EYA1: variants seen among roughly 807,000 people sequenced by gnomAD.
The protein encoded by EYA1 is EYA transcriptional coactivator and phosphatase 1.
Under a neutral mutation model 82.0 loss-of-function variants are expected in EYA1, and 16 were observed. The observed-to-expected ratio is 0.20, with a 90% confidence interval of 0.13 to 0.30. The LOEUF (loss-of-function observed/expected upper bound fraction) is 0.30, where lower values mean the gene tolerates loss of function less well. Among genes scored for constraint, EYA1 ranks in the 10% least tolerant of loss-of-function variants. The pLI, the probability that EYA1 is intolerant of heterozygous loss-of-function variation, is 1.00. For missense variants in EYA1, 633 were observed against 730.7 expected, an observed-to-expected ratio of 0.87 and a Z score of 1.54; for synonymous variants, 261 against 264.4, an observed-to-expected ratio of 0.99 and a Z score of 0.12.
intron 3 of EYA1, among the ~76,000 whole-genome samples, chr8:71,346,806 C>T (rs1345933194): frequency 6.6e-6 from 1 of 152,134 alleles, no homozygotes; most frequent in Non-Finnish European, 1.5e-5. Context: ...ATTTGAAAAA[C>T]AGGCTCTAGA....
At chr8:71,410,780 A>G (rs1276385599) in intron 2 of EYA1, among the ~76,000 whole-genome samples, 1 of 150,388 alleles carries the variant, frequency 6.6e-6, no homozygotes, top group Non-Finnish European at 1.5e-5. Flanking sequence ...GGAAGAATCA[A>G]TATCGTGAAA....
intron 2 of EYA1, among the ~76,000 whole-genome samples, chr8:71,473,731 C>T (rs1373271268): frequency 6.6e-6 from 1 of 152,124 alleles, no homozygotes; most frequent in Non-Finnish European, 1.5e-5. Flanking sequence ...AATCATCATA[C>T]TGTAAAGACA....
intron 6 of EYA1, among the ~76,000 whole-genome samples, chr8:71,320,792 CT>C (rs1191070314): frequency 6.6e-6 from 1 of 151,772 alleles, no homozygotes; most frequent in Non-Finnish European, 1.5e-5. Flanking sequence ...AGCATTAATT[CT>C]TTTTATATAC....
chr8:71,533,969 TATG>T (rs760144837), intron 2 of EYA1, among the ~76,000 whole-genome samples: 10 of 152,244 alleles, frequency 6.6e-5, no homozygotes, highest in Non-Finnish European at 1.5e-4. Context: ...TATCTTTTAT[TATG>T]ATGGCCAAAA....
At chr8:71,278,557 C>T (rs1031546909) in intron 9 of EYA1, among the ~76,000 whole-genome samples, 15 of 152,106 alleles carry the variant, frequency 9.9e-5, no homozygotes, top group African/African-American at 3.4e-4. Flanking sequence ...AAATTATATT[C>T]CCTCTGTGAA....
At position 71,523,173 on chromosome 8, in the gene EYA1, C is replaced by CTTTTTTTTTTTTTTTTT. The variant is rs201950125; in HGVS notation, c.33+12570_33+12571insAAAAAAAAAAAAAAAAA. ...TTCAGCTCTTTTTCTTTTCTTTTTTCTTTTTCTTTTTTTTTTTTTTTTTGA... is the reference window on the plus strand; with the variant it reads ...TTCAGCTCTTTTTCTTTTCTTTTTTCTTTTTTTTTTTTTTTTTTTTTTCTTTTTTTTTTTTTTTTTGA... On this transcript the variant is annotated intron_variant, in intron 2 of 18. Transcript: ENST00000643681. Among the ~76,000 whole-genome samples the CTTTTTTTTTTTTTTTTT allele has an allele frequency of 1.8e-3, 196 of 110,816 alleles. 10 individuals carry two copies. The highest frequency in any genetic ancestry group is 0.012 in the East Asian group (34 of 2,896). The allele number at this position is 110,816 out of a possible 152,430, so 72.7% of individuals were successfully genotyped here.
chr8:71,241,170 G>A (rs545569913), intron 12 of EYA1, among the ~76,000 whole-genome samples: 5 of 152,032 alleles, frequency 3.3e-5, no homozygotes, highest in East Asian at 1.9e-4. Context: ...TCCTTCATAC[G>A]TCAAACATTT....
intron 11 of EYA1, among the ~76,000 whole-genome samples, chr8:71,260,074 A>T (rs1814914139): frequency 6.6e-6 from 1 of 152,208 alleles, no homozygotes; most frequent in Non-Finnish European, 1.5e-5. Flanking sequence ...AAGCACCAAA[A>T]GAAAAATTGT....
Position 71,472,489 on chromosome 8 carries a change from T to C in EYA1, c.33+63255A>G, listed in dbSNP as rs1809281898. Among the ~76,000 whole-genome samples, 3 of 152,108 alleles carry C rather than the reference T, an allele frequency of 2.0e-5. No individual in the cohort carries two copies. The South Asian group carries it at 6.2e-4, about 31-fold the overall frequency. The stretch of plus-strand genomic sequence containing the variant: ...AGGTCAAGGCATAACCATGTATTCA[T>C]TAATTATTACAGATAAAAACTATTA... On this transcript the variant is annotated intron_variant, in intron 2 of 18. Coordinates refer to the EYA1 transcript ENST00000643681.
chr8:71,317,645 A>G lies in EYA1; in HGVS notation c.463T>C (p.Ser155Pro), dbSNP rs13255076. 1.2e-6 allele frequency: 2 copies of G among 1,614,094 alleles called. No homozygotes were observed. The highest frequency in any genetic ancestry group is 1.1e-5 in the South Asian group (1 of 91,082). The change falls in exon 7 of 18, where the codon TCT becomes CCT. Residue 155 changes from serine to proline, a missense_variant. Ser to Pro is a moderately conservative substitution (Grantham distance 74, BLOSUM62 -1). Transcript: ENST00000340726. ...AATCCTGTCTGTCCAGGTGACTGAG[A>G]CTGTGACAATCCACCTTCAGTCTTG... Reference protein sequence around the residue: ...GIKTEGGLSQSQSPGQTGFLS... With the variant: ...GIKTEGGLSQPQSPGQTGFLS...
intron 7 of EYA1, among the ~76,000 whole-genome samples, chr8:71,309,613 AT>A (rs879738205): frequency 9.9e-5 from 15 of 152,234 alleles, no homozygotes; most frequent in Non-Finnish European, 2.1e-4. Context: ...TAATAAAAAA[AT>A]TTTAAAGCAT....
intron 1 of EYA1, among the ~76,000 whole-genome samples, chr8:71,540,575 G>T (rs923721237): frequency 1.3e-5 from 2 of 152,190 alleles, no homozygotes; most frequent in Admixed American, 1.3e-4. Flanking sequence ...GGGTCTGGGA[G>T]TGGGAGGTAA....
chr8:71,305,190 T>G (rs1473867987), intron 7 of EYA1, among the ~76,000 whole-genome samples: 1 of 143,302 alleles, frequency 7.0e-6, no homozygotes, highest in African/African-American at 2.5e-5. Flanking sequence ...AAGTATTTTC[T>G]TTTCTAGAAA....
intron 2 of EYA1, among the ~76,000 whole-genome samples, chr8:71,393,445 C>A (rs954291085): frequency 2.0e-5 from 3 of 152,178 alleles, no homozygotes; most frequent in Non-Finnish European, 4.4e-5. Context: ...TCCCTCCCCC[C>A]TCCAACCACT....
At chr8:71,288,516 T>C (rs2128983143) in intron 9 of EYA1, among the ~76,000 whole-genome samples, 1 of 152,310 alleles carries the variant, frequency 6.6e-6, no homozygotes, top group African/African-American at 2.4e-5. Flanking sequence ...AAGGTGAAGG[T>C]CTTCTGCAAA....
intron 2 of EYA1, among the ~76,000 whole-genome samples, chr8:71,432,873 A>G (rs1271448533): frequency 1.3e-5 from 2 of 152,352 alleles, no homozygotes; most frequent in East Asian, 3.9e-4. Context: ...GAGACATTGT[A>G]CAAACCACCA....
intron 12 of EYA1, among the ~76,000 whole-genome samples, chr8:71,233,335 C>T (rs562601027): frequency 2.6e-5 from 4 of 151,940 alleles, no homozygotes; most frequent in African/African-American, 4.8e-5. Context: ...GAGGCCAAGG[C>T]GGGCAGATCA....
chr8:71,286,151 C>T (rs780302518), intron 9 of EYA1, among the ~76,000 whole-genome samples: 4 of 152,132 alleles, frequency 2.6e-5, no homozygotes, highest in South Asian at 2.1e-4. Context: ...AGGTGTGCCC[C>T]ATTCACCCAG....
At chr8:71,380,156 C>G (rs1205694632) in intron 2 of EYA1, among the ~76,000 whole-genome samples, 1 of 152,136 alleles carries the variant, frequency 6.6e-6, no homozygotes, top group Non-Finnish European at 1.5e-5. Context: ...TTTTTCTGTC[C>G]CCTTTCCTCT....
Sources: allele counts gnomAD v4.1 joint callset (sites outside exome capture counted in the v4.1 genomes callset), GRCh38; gene constraint gnomAD v4.1.1; transcripts MANE v1.5; gene names NCBI Gene and HGNC (gene_info 2026-07-23, HGNC 2026-07-21).